L3MBTL3: variants seen among roughly 807,000 people sequenced by gnomAD.
L3MBTL3 encodes the protein lethal(3)malignant brain tumor-like protein 3.
Under a neutral mutation model 102.3 loss-of-function variants are expected in L3MBTL3, and 27 were observed. That is an observed-to-expected ratio of 0.26 (90% CI 0.19 to 0.36). The LOEUF (loss-of-function observed/expected upper bound fraction) is 0.36. Ranked by LOEUF, L3MBTL3 falls within the 10% of genes least tolerant of loss-of-function variation. The pLI is 1.00. For synonymous variants in L3MBTL3, 340 were observed against 320.9 expected (o/e 1.06, Z -0.64); for missense variants, 798 against 955.3 (o/e 0.84, Z 2.17).
At chr6:130,058,272 T>C (rs777380880) in intron 9 of L3MBTL3, among the ~76,000 whole-genome samples, 1 of 151,918 alleles carries the variant, frequency 6.6e-6, no homozygotes. Flanking sequence ...TCATAAGTGA[T>C]TTAAAATCAG....
intron 1 of L3MBTL3, chr6:130,020,418 G>C (rs1778917075): frequency 6.6e-6 from 1 of 152,180 alleles, no homozygotes; most frequent in Non-Finnish European, 1.5e-5. Flanking sequence ...CTTTTGGACT[G>C]GTGGTAAAAC....
At chr6:130,035,764 C>A (rs1780018007) in intron 2 of L3MBTL3, among the ~76,000 whole-genome samples, 1 of 152,078 alleles carries the variant, frequency 6.6e-6, no homozygotes, top group African/African-American at 2.4e-5. Flanking sequence ...CCTCTTATGA[C>A]ATTAGTAGTG....
Position 130,140,788 on chromosome 6 carries a change from G to A in L3MBTL3, c.*1035G>A, listed in dbSNP as rs1788200658. ...CAAAGGTTTTTTTCAGGGTTGGCTAGAGAGCGAGTATTGTGATTTTGCTGA... is the reference window on the plus strand; with the variant it reads ...CAAAGGTTTTTTTCAGGGTTGGCTAAAGAGCGAGTATTGTGATTTTGCTGA... On this transcript the variant is annotated 3_prime_UTR_variant, in exon 23 of 23. Transcript: ENST00000361794. 6.6e-6 allele frequency: 1 copy of A among 152,340 alleles called. No individual in the cohort carries two copies. Among genetic ancestry groups the A allele is most frequent in the Admixed American group, 6.5e-5 (1 of 15,278 alleles). 9.4% of individuals were successfully genotyped at this position (152,340 alleles called of 1,614,324 possible). A position where few individuals can be genotyped will look rare whatever the true frequency, so the allele number is the denominator to read the frequency against.
At chr6:130,131,655 T>A (rs1245090691) in intron 20 of L3MBTL3, among the ~76,000 whole-genome samples, 2 of 152,322 alleles carry the variant, frequency 1.3e-5, no homozygotes, top group African/African-American at 4.8e-5. Context: ...AAAGAATGAC[T>A]ACTCCAAATG....
rs186117982 is a variant in L3MBTL3 at position 130,119,060 on chromosome 6, G to T, written c.1887-1819G>T. ...AGTATACTTTAATAAATCCACAAAA[G>T]GGTAACTGCTGATTATTGGTGGATA... On this transcript the variant is annotated intron_variant, in intron 19 of 22. Transcript: ENST00000361794. Among the ~76,000 whole-genome samples the T allele has an allele frequency of 2.0e-5, 3 of 152,166 alleles. No homozygotes were observed. In the East Asian group the frequency reaches 5.8e-4, roughly 29 times the overall value.
At chr6:130,119,772 C>T (rs1582615028) in intron 19 of L3MBTL3, among the ~76,000 whole-genome samples, 2 of 152,060 alleles carry the variant, frequency 1.3e-5, no homozygotes, top group African/African-American at 4.8e-5. Context: ...AATAGTATCT[C>T]CTCACAGGAT....
At chr6:130,120,793 A>C in intron 19 of L3MBTL3, 86 bp from the exon 20 acceptor site, 1 of 978,470 alleles carries the variant, frequency 1.0e-6, no homozygotes, top group Non-Finnish European at 1.6e-6. Flanking sequence ...GTTTAAAATT[A>C]GGAAAAGCAC....
intron 19 of L3MBTL3, among the ~76,000 whole-genome samples, chr6:130,116,363 G>A (rs1381503141): frequency 6.6e-6 from 1 of 152,118 alleles, no homozygotes; most frequent in African/African-American, 2.4e-5. Flanking sequence ...TTTGCTGATG[G>A]TCGTGTAAAC....
chr6:130,129,616 A>C (rs1282959766), intron 20 of L3MBTL3, among the ~76,000 whole-genome samples: 1 of 152,200 alleles, frequency 6.6e-6, no homozygotes, highest in African/African-American at 2.4e-5. Context: ...TTGATCACAT[A>C]CCTTTGGTCA....
chr6:130,103,662 G>A (rs1190097400), intron 18 of L3MBTL3, among the ~76,000 whole-genome samples: 2 of 152,200 alleles, frequency 1.3e-5, no homozygotes, highest in Non-Finnish European at 2.9e-5. Context: ...TACAGCAGTT[G>A]CCCAGTTGTT....
At chr6:130,095,074 C>T (rs1784284545) in intron 18 of L3MBTL3, among the ~76,000 whole-genome samples, 1 of 152,088 alleles carries the variant, frequency 6.6e-6, no homozygotes, top group African/African-American at 2.4e-5. Context: ...TAAGAAATTC[C>T]TGTGATTCAA....
Position 130,057,430 on chromosome 6 carries a change from C to T in L3MBTL3, c.692C>T (p.Ala231Val), listed in dbSNP as rs1420387654. ...KQGLPPKGKK[A>V]WCWASYLEEE... ...GGTTTGCCTCCTAAAGGAAAGAAAGCGTGGTGCTGGGCATCCTACCTGGAA... is the reference window on the plus strand; with the variant it reads ...GGTTTGCCTCCTAAAGGAAAGAAAGTGTGGTGCTGGGCATCCTACCTGGAA... The change falls in exon 9 of 23, where the codon GCG becomes GTG. Residue 231 changes from alanine to valine, a missense_variant. Around this residue, in one of 4 missense-constraint regions of L3MBTL3, gnomAD observed 434 missense variants for 506.6 expected, o/e 0.86. Transcript: ENST00000361794. 8.1e-6 allele frequency: 13 copies of T among 1,610,308 alleles called. No individual in the cohort carries two copies. The highest frequency in any genetic ancestry group is 4.5e-5 in the South Asian group (4 of 89,598).
rs770340757 is a variant in L3MBTL3 at position 130,060,137 on chromosome 6, G to A, written c.861G>A (p.Ala287=). The part of the protein sequence containing the change: ...HQSVYCVLTV[A]EVCGYRIKLH... ...CTGTGTACTGTGTCCTCACCGTCGC[G>A]GAGGTAAGCTTTGCCTCGTCCTTTA... Residue 287 remains alanine, a synonymous_variant, in exon 10 of 23, where the codon GCG becomes GCA. Transcript: ENST00000361794. 15 of 1,579,968 alleles carry A rather than the reference G, an allele frequency of 9.5e-6. No individual in the cohort carries two copies. The highest frequency in any genetic ancestry group is 3.5e-5 in the Admixed American group (2 of 56,612).
At chr6:130,105,659 C>T (rs1002932501) in intron 19 of L3MBTL3, among the ~76,000 whole-genome samples, 8 of 149,268 alleles carry the variant, frequency 5.4e-5, no homozygotes, top group Admixed American at 2.0e-4. Flanking sequence ...AAACATATAA[C>T]GGTTATTAAC....
At chr6:130,095,054 A>C (rs886783908) in intron 18 of L3MBTL3, among the ~76,000 whole-genome samples, 9 of 152,176 alleles carry the variant, frequency 5.9e-5, no homozygotes, top group Admixed American at 5.2e-4. Flanking sequence ...AAAAAATATT[A>C]CTGAAGTACT....
rs184488436 is a variant in L3MBTL3 at position 130,112,256 on chromosome 6, C to T, written c.1886+7681C>T. ...AGGGGCCATGTCTTTTCTTACTCTC[C>T]GAGTTGCCCTAACCTGAGCACACTC... On this transcript the variant is annotated intron_variant, in intron 19 of 22. Transcript: ENST00000361794. Among the ~76,000 whole-genome samples, 122 of 152,304 alleles carry T rather than the reference C, an allele frequency of 8.0e-4. 3 individuals are homozygous for T. The Middle Eastern group carries it at 0.031, about 38-fold the overall frequency.
intron 2 of L3MBTL3, among the ~76,000 whole-genome samples, chr6:130,041,577 A>G (rs954734879): frequency 6.6e-6 from 1 of 152,160 alleles, no homozygotes; most frequent in Admixed American, 6.5e-5. Context: ...TTTGAATGTC[A>G]TTATGAACTT....
intron 18 of L3MBTL3, among the ~76,000 whole-genome samples, chr6:130,096,169 C>T (rs917730316): frequency 2.0e-5 from 3 of 152,104 alleles, no homozygotes; most frequent in East Asian, 1.9e-4. Context: ...TAGTAACTTG[C>T]CTTACTTCCC....
At position 130,140,628 on chromosome 6, in the gene L3MBTL3, T is replaced by A. The variant is rs1168593358; in HGVS notation, c.*875T>A. Reference sequence around the variant, plus strand: ...AATGTTTGTGAGGGTCTTGAACTATTTATGAGATGATCTTGAGCTTCTAAT... The same window carrying A: ...AATGTTTGTGAGGGTCTTGAACTATATATGAGATGATCTTGAGCTTCTAAT... On this transcript the variant is annotated 3_prime_UTR_variant, in exon 23 of 23. Coordinates refer to ENST00000361794, the MANE Select transcript of L3MBTL3 (RefSeq NM_032438.4). 1 of 152,166 alleles carries A rather than the reference T, an allele frequency of 6.6e-6. No individual in the cohort carries two copies. Among genetic ancestry groups the A allele is most frequent in the African/African-American group, 2.4e-5 (1 of 41,412 alleles). The allele number at this position is 152,166 out of a possible 1,614,324, so 9.4% of individuals were successfully genotyped here.
Sources: gnomAD v4.1 joint callset for allele counts (sites outside exome capture counted in the v4.1 genomes callset) on GRCh38, gnomAD v4.1.1 for gene constraint, gnomAD v4.1.1 regional missense constraint, MANE v1.5 for transcripts, NCBI Gene and HGNC (gene_info 2026-07-23, HGNC 2026-07-21) for gene names.